Variants in ADH4 observed in about 807,000 individuals in gnomAD.
The protein encoded by ADH4 is all-trans-retinol dehydrogenase [NAD(+)] ADH4.
Under a neutral mutation model 35.2 loss-of-function variants are expected in ADH4, and 31 were observed. That is an observed-to-expected ratio of 0.88 (90% CI 0.66 to 1.19). The LOEUF is 1.19. Ranked by LOEUF, ADH4 falls within the 50% of genes most tolerant of loss-of-function variation. The pLI is 0.00. For missense variants in ADH4, 476 were observed against 458.3 expected (o/e 1.04, Z -0.35); for synonymous variants, 171 against 160.2 (o/e 1.07, Z -0.51).
rs1728995921 is a variant in ADH4 at position 99,123,988 on chromosome 4, C to T, written c.*454G>A. ...TGCCGACTCCCTGCCCTCAACAGGC[C>T]CCAGTGTGTGTTGTTCCCCATCATG... On this transcript the variant is annotated 3_prime_UTR_variant, in exon 9 of 9. Coordinates refer to ENST00000265512, the MANE Select transcript of ADH4 (RefSeq NM_000670.5). The T allele has an allele frequency of 6.0e-6, 1 of 165,888 alleles. No individual in the cohort carries two copies. 10.3% of individuals were successfully genotyped at this position (165,888 alleles called of 1,614,324 possible).
At chr4:99,125,374 G>A (rs1421902227) in intron 8 of ADH4, among the ~76,000 whole-genome samples, 1 of 152,220 alleles carries the variant, frequency 6.6e-6, no homozygotes, top group African/African-American at 2.4e-5. Flanking sequence ...AGCCTCCTGG[G>A]AGAATGTGGG....
chr4:99,136,510 A>C lies in ADH4; in HGVS notation c.538T>G (p.Cys180Gly). The C allele has an allele frequency of 1.2e-6, 2 of 1,614,160 alleles. No homozygotes were observed. The highest frequency in any genetic ancestry group is 8.5e-7 in the Non-Finnish European group (1 of 1,180,026). ...GCCCCATAGCCAGTTGAAAACCCAC[A>C]TCCAAGCAGACAAACTCTCTCTAAA... ...ANLERVCLLG[C>G]GFSTGYGAAI... The change falls in exon 5 of 9, where the codon TGT becomes GGT. Residue 180 changes from cysteine (C) to glycine (G), a missense_variant. Coordinates refer to ENST00000265512, the MANE Select transcript of ADH4 (RefSeq NM_000670.5).
chr4:99,128,704 G>A (rs1729174135), intron 6 of ADH4, among the ~76,000 whole-genome samples: 1 of 151,998 alleles, frequency 6.6e-6, no homozygotes, highest in South Asian at 2.1e-4. Context: ...TCTATAAAAT[G>A]CTTACATCTA....
At chr4:99,138,686 C>T (rs1157161795) in intron 4 of ADH4, among the ~76,000 whole-genome samples, 1 of 152,158 alleles carries the variant, frequency 6.6e-6, no homozygotes, top group Non-Finnish European at 1.5e-5. Flanking sequence ...ACTAAATATT[C>T]CTTCAGCAAT....
chr4:99,142,506 A>G (rs531312656), intron 2 of ADH4, among the ~76,000 whole-genome samples, 173 bp downstream of exon 2: 4 of 152,314 alleles, frequency 2.6e-5, no homozygotes, highest in African/African-American at 9.6e-5. Context: ...AAAATAATGG[A>G]TGATTTATTC....
chr4:99,136,970 C>T (rs13127153), intron 4 of ADH4, among the ~76,000 whole-genome samples: 31,135 of 150,858 alleles, frequency 0.21, 3,911 homozygotes, highest in Non-Finnish European at 0.29. Context: ...TTTTTTTAGA[C>T]GGAGTTTTTG....
rs1729626134 is a variant in ADH4, at chr4:99,141,617, A to G, written c.186T>C (p.Ala62=). 2.5e-6 allele frequency: 4 copies of G among 1,614,092 alleles called. No individual in the cohort carries two copies. Among genetic ancestry groups the G allele is most frequent in the Non-Finnish European group, 3.4e-6 (4 of 1,180,034 alleles). The change falls in exon 3 of 9, where the codon GCT becomes GCC. Residue 62 remains alanine (A), a synonymous_variant. Transcript: ENST00000265512. The part of the protein sequence containing the change: ...TVIDSKFEGL[A]FPVIVGHEAA... ...CCTCATGGCCAACGATCACTGGGAAAGCTAGGCCCTCAAATTTAGAATCGA... is the reference window on the plus strand; with the variant it reads ...CCTCATGGCCAACGATCACTGGGAAGGCTAGGCCCTCAAATTTAGAATCGA...
intron 5 of ADH4, among the ~76,000 whole-genome samples, chr4:99,134,124 G>T (rs1729365485): frequency 6.6e-6 from 1 of 152,186 alleles, no homozygotes; most frequent in Non-Finnish European, 1.5e-5. Flanking sequence ...CAGAAGCAGA[G>T]ACTAGGATGG....
intron 5 of ADH4, among the ~76,000 whole-genome samples, chr4:99,132,833 A>G (rs1032546451): frequency 6.6e-6 from 1 of 152,192 alleles, no homozygotes; most frequent in Admixed American, 6.6e-5. Context: ...AAGTATTAAT[A>G]CATTCTAAAT....
chr4:99,137,911 T>C (rs577564445), intron 4 of ADH4, among the ~76,000 whole-genome samples: 2 of 150,448 alleles, frequency 1.3e-5, no homozygotes, highest in South Asian at 4.2e-4. Context: ...TCTTAAATTA[T>C]AGATCCCTTC....
In ADH4 at chr4:99,126,714, GA is replaced by G; in HGVS notation, c.997del (p.Ser333LeufsTer20). The G allele has an allele frequency of 6.2e-7, 1 of 1,603,894 alleles. No individual in the cohort carries two copies. The highest frequency in any genetic ancestry group is 8.5e-7 in the Non-Finnish European group (1 of 1,173,062). ...TFFGGWKSVDSIPKLVTDYKN... is the reference protein window; with the variant it reads ...TFFGGWKSVDXIPKLVTDYKN... ...ATAGTCAGTGACCAGCTTTGGGATA[GA>G]ATCTACACTTTTCCAACCTGTAATG... On this transcript the variant is annotated frameshift_variant, in exon 8 of 9. Coordinates refer to ENST00000265512, the MANE Select transcript of ADH4 (RefSeq NM_000670.5). LOFTEE classifies it high-confidence loss of function.
intron 8 of ADH4, 83 bp downstream of exon 8, chr4:99,126,511 G>A (rs1196545674): frequency 3.6e-6 from 5 of 1,399,380 alleles, no homozygotes; most frequent in Non-Finnish European, 4.9e-6. Flanking sequence ...GAAAAAACAA[G>A]CTGGTTGCTT....
chr4:99,124,776 T>C (rs1266049282), intron 8 of ADH4, among the ~76,000 whole-genome samples: 1 of 152,156 alleles, frequency 6.6e-6, no homozygotes, highest in Non-Finnish European at 1.5e-5. Context: ...AGTCTTGGAA[T>C]AGTCACTGTT....
intron 2 of ADH4, among the ~76,000 whole-genome samples, 169 bp downstream of exon 2, chr4:99,142,510 T>C (rs1233245574): frequency 6.6e-6 from 1 of 152,232 alleles, no homozygotes; most frequent in Admixed American, 6.5e-5. Flanking sequence ...TAATGGATGA[T>C]TTATTCCTTT....
intron 2 of ADH4, 86 bp from the exon 3 acceptor site, chr4:99,141,768 T>C: frequency 7.6e-7 from 1 of 1,311,644 alleles, no homozygotes; most frequent in Non-Finnish European, 1.0e-6. Context: ...CTTGATATCA[T>C]TTTAAAACTT....
At chr4:99,138,106 A>C (rs1729502347) in intron 4 of ADH4, among the ~76,000 whole-genome samples, 1 of 152,130 alleles carries the variant, frequency 6.6e-6, no homozygotes, top group Non-Finnish European at 1.5e-5. Context: ...TTCAGATTTT[A>C]TATTTTTGTG....
intron 8 of ADH4, 45 bp downstream of exon 8, chr4:99,126,549 T>C (rs372279807): frequency 2.6e-6 from 4 of 1,530,070 alleles, no homozygotes; most frequent in African/African-American, 2.7e-5. Context: ...GATAGAATCA[T>C]TGTAAACGTT....
chr4:99,136,803 C>A, intron 4 of ADH4, 106 bp from the exon 5 acceptor site: 1 of 750,760 alleles, frequency 1.3e-6, no homozygotes, highest in South Asian at 2.1e-5. Context: ...TTTTTGATGA[C>A]AATTTACAAG....
At chr4:99,127,437 T>G in intron 6 of ADH4, 93 bp from the exon 7 acceptor site, 5 of 1,001,468 alleles carry the variant, frequency 5.0e-6, no homozygotes, top group Non-Finnish European at 7.2e-6. Context: ...AAAAAATTAA[T>G]CCAACTCTGC....
Sources: allele counts gnomAD v4.1 joint callset (sites outside exome capture counted in the v4.1 genomes callset), GRCh38; gene constraint gnomAD v4.1.1; transcripts MANE v1.5; gene names NCBI Gene and HGNC (gene_info 2026-07-23, HGNC 2026-07-21).